Variants in NXNL2 observed in about 807,000 individuals in gnomAD.
NXNL2 encodes nucleoredoxin like 2.
NXNL2 carries 7 observed loss-of-function variants against 11.1 expected under a neutral mutation model. The observed-to-expected ratio is 0.63, with a 90% CI of 0.36 to 1.18. The LOEUF (loss-of-function observed/expected upper bound fraction) is 1.18. NXNL2 is among the 50% of genes most tolerant of loss of function. NXNL2 has a pLI of 0.02. For synonymous variants in NXNL2, 109 were observed against 101.8 expected (o/e 1.07, Z -0.42); for missense variants, 233 against 217.7 (o/e 1.07, Z -0.44).
At chr9:88,574,622 G>C (rs1412462504) in intron 2 of NXNL2, among the ~76,000 whole-genome samples, 1 of 152,206 alleles carries the variant, frequency 6.6e-6, no homozygotes, top group Non-Finnish European at 1.5e-5. Context: ...GTTGAGCTCT[G>C]TCTGTCCTTT....
chr9:88,575,987 G>T (rs1830344191), downstream of NXNL2, among the ~76,000 whole-genome samples: 1 of 152,196 alleles, frequency 6.6e-6, no homozygotes, highest in African/African-American at 2.4e-5. Context: ...GAGGTCAGGA[G>T]TTCGAGATCA....
chr9:88,535,318 T>C lies in NXNL2; in HGVS notation c.-117T>C, dbSNP rs1587837010. 5 of 1,078,156 alleles carry C rather than the reference T, an allele frequency of 4.6e-6. 1 individual carries two copies. The African/African-American group carries it at 4.8e-5, about 10-fold the overall frequency. The allele number at this position is 1,078,156 out of a possible 1,614,324, so 66.8% of individuals were successfully genotyped here. A position where few individuals can be genotyped will look rare whatever the true frequency, so the allele number is the denominator to read the frequency against. ...CGCATCTGGGGCAGGTCTTGAGAGG[T>C]CCAGCGCCCGGTGGTGCGGACAGAG... On this transcript the variant is annotated 5_prime_UTR_variant, in exon 1 of 2. Coordinates refer to ENST00000375854, the MANE Select transcript of NXNL2 (RefSeq NM_001161625.2).
intron 1 of NXNL2, among the ~76,000 whole-genome samples, chr9:88,563,056 C>T (rs889666528): frequency 6.6e-6 from 1 of 152,252 alleles, no homozygotes; most frequent in Middle Eastern, 3.4e-3. Context: ...CCACTGCAAT[C>T]CAGCCTGGTG....
intron 1 of NXNL2, among the ~76,000 whole-genome samples, chr9:88,583,622 C>T (rs912907570): frequency 2.2e-4 from 34 of 152,242 alleles, no homozygotes; most frequent in Non-Finnish European, 2.6e-4. Flanking sequence ...AGACTTTGGT[C>T]GTGGTGGTGG....
downstream of NXNL2, among the ~76,000 whole-genome samples, chr9:88,579,920 G>A (rs898015106): frequency 1.3e-5 from 2 of 152,160 alleles, no homozygotes; most frequent in Non-Finnish European, 2.9e-5. Flanking sequence ...CACGAGGTCA[G>A]GAGATCGAGA....
chr9:88,569,821 A>G (rs1335162824), intron 1 of NXNL2, among the ~76,000 whole-genome samples: 5 of 152,100 alleles, frequency 3.3e-5, no homozygotes, highest in African/African-American at 1.2e-4. Context: ...GCCATGATTT[A>G]TTATTATTTT....
intron 1 of NXNL2, among the ~76,000 whole-genome samples, chr9:88,567,860 C>T (rs1346745450): frequency 1.3e-5 from 2 of 152,174 alleles, no homozygotes; most frequent in African/African-American, 2.4e-5. Context: ...GGTTGCTCTC[C>T]ACTCCCTACA....
At chr9:88,535,834 C>CT (rs1241681395) in intron 1 of NXNL2, 98 bp downstream of exon 1, 1 of 912,104 alleles carries the variant, frequency 1.1e-6, no homozygotes, top group South Asian at 1.7e-5. Flanking sequence ...TTATGACGCC[C>CT]CCCCCCAACA....
intron 1 of NXNL2, among the ~76,000 whole-genome samples, chr9:88,540,791 C>A (rs983019836): frequency 6.9e-6 from 1 of 144,754 alleles, no homozygotes. Context: ...TGGCAGGGGT[C>A]ATGCAGCCCC....
chr9:88,544,235 C>A, intron 1 of NXNL2, 144 bp from the exon 2 acceptor site: 1 of 609,306 alleles, frequency 1.6e-6, no homozygotes, highest in Non-Finnish European at 2.9e-6. Context: ...CCCACCCCAG[C>A]AGGAGGGAGA....
Position 88,558,195 on chromosome 9 carries a change from G to T in NXNL2, c.303-12892G>T, listed in dbSNP as rs1830043156. Reference sequence around the variant, plus strand: ...CGATGGGACCTCCTGGGAGGGAAGAGGGGCTGAAGATTGAGTTGACCACCA... The same window carrying T: ...CGATGGGACCTCCTGGGAGGGAAGATGGGCTGAAGATTGAGTTGACCACCA... On this transcript the variant is annotated intron_variant, in intron 1 of 2. Coordinates refer to the NXNL2 transcript ENST00000375855. Among the ~76,000 whole-genome samples the T allele has an allele frequency of 2.6e-5, 4 of 152,178 alleles. No individual in the cohort carries two copies. The South Asian group carries it at 6.2e-4, about 24-fold the overall frequency.
At chr9:88,553,999 A>C (rs1829978779) in intron 1 of NXNL2, among the ~76,000 whole-genome samples, 1 of 152,144 alleles carries the variant, frequency 6.6e-6, no homozygotes, top group African/African-American at 2.4e-5. Context: ...CAATTAATTA[A>C]TTCATCCATT....
chr9:88,562,900 C>T (rs1830104533), intron 1 of NXNL2, among the ~76,000 whole-genome samples: 2 of 152,016 alleles, frequency 1.3e-5, no homozygotes, highest in African/African-American at 2.4e-5. Context: ...CCATCCTGGC[C>T]AACATGGTGA....
intron 1 of NXNL2, among the ~76,000 whole-genome samples, chr9:88,537,927 C>T (rs928131766): frequency 6.6e-6 from 1 of 152,156 alleles, no homozygotes; most frequent in Non-Finnish European, 1.5e-5. Context: ...TGGTTTATGC[C>T]AGCAACAAGG....
intron 1 of NXNL2, among the ~76,000 whole-genome samples, chr9:88,559,728 C>T (rs550649535): frequency 2.0e-5 from 3 of 152,194 alleles, no homozygotes; most frequent in Non-Finnish European, 4.4e-5. Context: ...CAATCACGAC[C>T]AGTAAGTCCC....
In NXNL2 at chr9:88,544,372, C is replaced by A. The variant is rs1160684116; in HGVS notation, c.303-7C>A. 8.4e-6 allele frequency: 13 copies of A among 1,551,252 alleles called. No homozygotes were observed. In the South Asian group the frequency reaches 1.5e-4, roughly 18 times the overall value. ...GCTAACTTCGGTACCACTCTTCTGT[C>A]CTGCAGTGAGCTGAGGAAGAGGTAC... On this transcript the variant is annotated splice_region_variant and splice_polypyrimidine_tract_variant and intron_variant, in intron 1 of 1. Coordinates refer to ENST00000375854, the MANE Select transcript of NXNL2 (RefSeq NM_001161625.2).
intron 1 of NXNL2, among the ~76,000 whole-genome samples, chr9:88,561,256 G>C (rs994173123): frequency 2.0e-5 from 3 of 152,246 alleles, no homozygotes; most frequent in Admixed American, 6.5e-5. Context: ...TCCCATGCTG[G>C]ATTCTTCCTG....
intron 1 of NXNL2, among the ~76,000 whole-genome samples, chr9:88,553,377 A>G (rs1829968938): frequency 6.6e-6 from 1 of 151,430 alleles, no homozygotes; most frequent in Admixed American, 6.6e-5. Context: ...AACAACAACA[A>G]CAAAAAACCC....
Position 88,535,715 on chromosome 9 carries a change from C to T in NXNL2, c.281C>T (p.Pro94Leu), listed in dbSNP as rs777883802. The change falls in exon 1 of 2, where the codon CCC becomes CTC. Residue 94 changes from proline to leucine, a missense_variant. By Grantham distance (98) the Pro-to-Leu change is moderately conservative. Transcript: ENST00000375854. Reference protein sequence around the residue: ...RELHGAWLALPFHDPYRHELR... With the variant: ...RELHGAWLALLFHDPYRHELR... Reference sequence around the variant, plus strand: ...CTGCATGGCGCCTGGCTGGCGCTGCCCTTCCACGACCCCTACCGGCAGTGA... The same window carrying T: ...CTGCATGGCGCCTGGCTGGCGCTGCTCTTCCACGACCCCTACCGGCAGTGA... The T allele has an allele frequency of 3.2e-6, 5 of 1,585,536 alleles. No homozygotes were observed. The highest frequency in any genetic ancestry group is 2.7e-5 in the African/African-American group (2 of 74,248).
Sources: gnomAD v4.1 joint callset for allele counts (sites outside exome capture counted in the v4.1 genomes callset) on GRCh38, gnomAD v4.1.1 for gene constraint, MANE v1.5 for transcripts, NCBI Gene and HGNC (gene_info 2026-07-23, HGNC 2026-07-21) for gene names.